The following FARP1 variants were observed in gnomAD, a reference collection of about 807,000 sequenced individuals.
FARP1 encodes the protein FERM, ARHGEF and pleckstrin domain-containing protein 1.
A neutral mutation model predicts 128.8 loss-of-function variants in FARP1; 52 were observed. The observed-to-expected ratio is 0.40, with a 90% CI of 0.32 to 0.51. The LOEUF (loss-of-function observed/expected upper bound fraction) is 0.51. Ranked by LOEUF, FARP1 falls within the 20% of genes least tolerant of loss-of-function variation. FARP1 has a pLI of 0.45. For missense variants in FARP1, 1,333 were observed against 1,367.9 expected, an observed-to-expected ratio of 0.97 and a Z score of 0.40; for synonymous variants, 580 against 551.8, an observed-to-expected ratio of 1.05 and a Z score of -0.72.
intron 2 of FARP1, among the ~76,000 whole-genome samples, chr13:98,273,602 G>A (rs371723661): frequency 2.2e-4 from 33 of 152,298 alleles, no homozygotes; most frequent in African/African-American, 7.7e-4. Flanking sequence ...CAAGGCCTGG[G>A]GCCTCATCTC....
intron 1 of FARP1, among the ~76,000 whole-genome samples, chr13:98,165,672 T>G (rs1877193220): frequency 1.6e-5 from 1 of 62,882 alleles, no homozygotes; most frequent in Non-Finnish European, 4.2e-5. Context: ...TGATAATCTC[T>G]CATCATTAAA....
chr13:98,322,370 C>G (rs1887033356), intron 2 of FARP1, among the ~76,000 whole-genome samples: 1 of 152,176 alleles, frequency 6.6e-6, no homozygotes, highest in East Asian at 1.9e-4. Flanking sequence ...GAAAGGCACT[C>G]CAGGAAAAAT....
chr13:98,277,247 G>A (rs571858403), intron 2 of FARP1, among the ~76,000 whole-genome samples: 110 of 152,002 alleles, frequency 7.2e-4, no homozygotes, highest in Non-Finnish European at 1.4e-3. Flanking sequence ...TGAACTCCTG[G>A]GCTCAAGTGG....
intron 2 of FARP1, among the ~76,000 whole-genome samples, chr13:98,262,132 C>T: frequency 6.6e-6 from 1 of 151,074 alleles, no homozygotes; most frequent in South Asian, 2.1e-4. Flanking sequence ...TTTCCAGCTT[C>T]AACCTCCCAA....
At chr13:98,267,190 A>G (rs989087545) in intron 2 of FARP1, among the ~76,000 whole-genome samples, 4 of 152,044 alleles carry the variant, frequency 2.6e-5, no homozygotes, top group African/African-American at 9.7e-5. Flanking sequence ...ATACACTCAC[A>G]CTCTGACTTA....
At chr13:98,313,417 A>G (rs866576149) in intron 2 of FARP1, among the ~76,000 whole-genome samples, 53 of 151,252 alleles carry the variant, frequency 3.5e-4, no homozygotes, top group African/African-American at 1.3e-3. Context: ...CCACAAACCC[A>G]GGAGCGGGAT....
chr13:98,361,757 C>T (rs1197418362), intron 3 of FARP1, among the ~76,000 whole-genome samples: 5 of 152,126 alleles, frequency 3.3e-5, no homozygotes, highest in African/African-American at 1.2e-4. Flanking sequence ...CTGTCCCTCT[C>T]ACAGATCGAA....
At chr13:98,256,948 GATATATATATATATATAT>G (rs56701739) in intron 2 of FARP1, among the ~76,000 whole-genome samples, 3,381 of 77,104 alleles carry the variant, frequency 0.044, 221 homozygotes, top group African/African-American at 0.1. Flanking sequence ...TATATATGTG[GATATATATATATATATAT>G]ATATATATAT....
intron 13 of FARP1, among the ~76,000 whole-genome samples, chr13:98,407,930 C>T (rs1191938531): frequency 1.3e-5 from 2 of 152,264 alleles, no homozygotes; most frequent in East Asian, 3.9e-4. Flanking sequence ...ATGCATGACT[C>T]CAGAGGGTGA....
intron 3 of FARP1, among the ~76,000 whole-genome samples, chr13:98,363,929 A>C (rs1219984975): frequency 2.6e-5 from 4 of 152,006 alleles, no homozygotes; most frequent in Non-Finnish European, 5.9e-5. Flanking sequence ...TGTAGTACAG[A>C]TGGGGTTTCA....
intron 1 of FARP1, among the ~76,000 whole-genome samples, chr13:98,200,691 T>C (rs1879884771): frequency 6.6e-6 from 1 of 152,038 alleles, no homozygotes; most frequent in South Asian, 2.1e-4. Flanking sequence ...GGGACTCCCT[T>C]GGAAAAGGCT....
At chr13:98,390,769 G>T (rs1890275303) in intron 10 of FARP1, 43 bp from the exon 11 acceptor site, 7 of 1,419,062 alleles carry the variant, frequency 4.9e-6, no homozygotes, top group Non-Finnish European at 7.0e-6. Context: ...AAATGAGAAT[G>T]CCTTGGTATT....
rs1377076997 is a variant in FARP1, at chr13:98,410,356, A to C, written c.1603-378A>C. 2.0e-5 allele frequency among the ~76,000 whole-genome samples: 3 copies of C among 152,092 alleles called. 1 individual carries two copies. The highest frequency in any genetic ancestry group is 4.2e-4 in the South Asian group (2 of 4,814). On this transcript the variant is annotated intron_variant, in intron 14 of 26. Transcript: ENST00000319562. ...TGTAACTTCCATGTCATGAACACCA[A>C]CTCCACCAACGGACATAGGACGAGA...
At chr13:98,210,581 G>A (rs1183472803) in intron 1 of FARP1, among the ~76,000 whole-genome samples, 5 of 145,932 alleles carry the variant, frequency 3.4e-5, no homozygotes, top group Admixed American at 7.0e-5. Flanking sequence ...ACAGAGTCTC[G>A]CTCTGTCGCC....
intron 3 of FARP1, among the ~76,000 whole-genome samples, chr13:98,351,821 A>C (rs1459425119): frequency 6.6e-6 from 1 of 151,874 alleles, no homozygotes; most frequent in Non-Finnish European, 1.5e-5. Context: ...CTCTGCGTGG[A>C]AACATGCTTA....
chr13:98,258,634 T>C (rs1883726466), intron 2 of FARP1, among the ~76,000 whole-genome samples: 1 of 151,700 alleles, frequency 6.6e-6, no homozygotes, highest in Non-Finnish European at 1.5e-5. Context: ...TTGGAGGATC[T>C]CTTGAGGCCA....
intron 1 of FARP1, among the ~76,000 whole-genome samples, chr13:98,156,998 G>A (rs1876537643): frequency 6.6e-6 from 1 of 152,200 alleles, no homozygotes; most frequent in Non-Finnish European, 1.5e-5. Context: ...GGTCTGCTGG[G>A]TCATGCAGGA....
At chr13:98,301,403 G>T (rs1455544152) in intron 2 of FARP1, among the ~76,000 whole-genome samples, 1 of 152,212 alleles carries the variant, frequency 6.6e-6, no homozygotes, top group African/African-American at 2.4e-5. Flanking sequence ...GTATGAGGTT[G>T]CTGGCAAGTG....
At position 98,370,576 on chromosome 13, in the gene FARP1, G is replaced by T. The variant is rs147845347; in HGVS notation, c.398+2381G>T. 2.1e-4 allele frequency among the ~76,000 whole-genome samples: 29 copies of T among 137,148 alleles called. No homozygotes were observed. In the South Asian group the frequency reaches 5.6e-3, roughly 26 times the overall value. 90.0% of individuals were successfully genotyped at this position (137,148 alleles called of 152,430 possible). On this transcript the variant is annotated intron_variant, in intron 5 of 26. Coordinates refer to ENST00000319562, the MANE Select transcript of FARP1 (RefSeq NM_005766.4). Reference sequence around the variant, plus strand: ...ACTTAGATTTTTGGCTTGAGTGACTGGGGGGGAGATGGTGTTGGGGGTTAC... The same window carrying T: ...ACTTAGATTTTTGGCTTGAGTGACTTGGGGGGAGATGGTGTTGGGGGTTAC...
Sources: allele counts gnomAD v4.1 joint callset (sites outside exome capture counted in the v4.1 genomes callset), GRCh38; gene constraint gnomAD v4.1.1; transcripts MANE v1.5; gene names NCBI Gene and HGNC (gene_info 2026-07-23, HGNC 2026-07-21).